LRMDA: variants seen among roughly 807,000 people sequenced by gnomAD.
The protein encoded by LRMDA is leucine rich melanocyte differentiation associated.
A neutral mutation model predicts 29.8 loss-of-function variants in LRMDA; 18 were observed. The ratio of observed to expected loss-of-function variants is 0.60; its 90% CI spans 0.42 to 0.90. The LOEUF (loss-of-function observed/expected upper bound fraction) is 0.90, where lower values mean the gene tolerates loss of function less well. LRMDA is among the 40% of genes least tolerant of loss of function. The pLI, the probability that LRMDA is intolerant of heterozygous loss-of-function variation, is 0.00. For missense variants in LRMDA, 273 were observed against 273.9 expected, an observed-to-expected ratio of 1.00 and a Z score of 0.02; for synonymous variants, 125 against 109.4, an observed-to-expected ratio of 1.14 and a Z score of -0.89.
chr10:76,100,402 C>G (rs1849377373), intron 5 of LRMDA, among the ~76,000 whole-genome samples: 1 of 152,214 alleles, frequency 6.6e-6, no homozygotes, highest in Non-Finnish European at 1.5e-5. Context: ...AGGCCATACA[C>G]AGGAACGGAA....
chr10:75,975,633 A>G (rs1177053541), intron 2 of LRMDA, among the ~76,000 whole-genome samples: 2 of 152,114 alleles, frequency 1.3e-5, no homozygotes, highest in African/African-American at 4.8e-5. Context: ...TTGGGCCTTG[A>G]ACTCTGAACG....
At chr10:75,579,654 T>C (rs1294197144) in intron 2 of LRMDA, among the ~76,000 whole-genome samples, 1 of 152,138 alleles carries the variant, frequency 6.6e-6, no homozygotes, top group Non-Finnish European at 1.5e-5. Context: ...CTGATGAACA[T>C]TGATGTGAAA....
intron 5 of LRMDA, among the ~76,000 whole-genome samples, chr10:76,174,674 G>A (rs1171805940): frequency 2.0e-5 from 3 of 152,210 alleles, no homozygotes; most frequent in Admixed American, 6.5e-5. Context: ...CACCCAGAGG[G>A]TAGCAACAAT....
chr10:75,715,119 T>C (rs1842484496), intron 2 of LRMDA, among the ~76,000 whole-genome samples: 1 of 152,158 alleles, frequency 6.6e-6, no homozygotes, highest in East Asian at 1.9e-4. Context: ...GATTCCTCAG[T>C]GGTGCTGAGA....
chr10:76,425,910 T>C (rs538813060), intron 6 of LRMDA, among the ~76,000 whole-genome samples: 1 of 152,322 alleles, frequency 6.6e-6, no homozygotes, highest in Admixed American at 6.5e-5. Context: ...GCTTCATCCA[T>C]GTCCCTACAA....
intron 1 of LRMDA, among the ~76,000 whole-genome samples, chr10:75,432,856 T>C (rs1158044800): frequency 3.9e-5 from 6 of 152,224 alleles, no homozygotes; most frequent in African/African-American, 1.2e-4. Flanking sequence ...CACATGTTTA[T>C]TGAGTGCCTA....
At chr10:75,463,713 G>T (rs1314336220) in intron 2 of LRMDA, among the ~76,000 whole-genome samples, 1 of 152,070 alleles carries the variant, frequency 6.6e-6, no homozygotes, top group South Asian at 2.1e-4. Flanking sequence ...TGTTGCCCAG[G>T]CTGGAGTGCA....
chr10:75,984,596 G>A (rs562397955), intron 2 of LRMDA, among the ~76,000 whole-genome samples: 3 of 152,350 alleles, frequency 2.0e-5, no homozygotes, highest in Admixed American at 2.0e-4. Context: ...CCGTGGCCCT[G>A]TGTGGGGGAC....
intron 5 of LRMDA, among the ~76,000 whole-genome samples, chr10:76,211,503 C>A (rs956389220): frequency 6.6e-6 from 1 of 152,226 alleles, no homozygotes; most frequent in African/African-American, 2.4e-5. Flanking sequence ...CACATAAAAT[C>A]CAATGAGCCT....
At chr10:75,816,441 A>G (rs1347392094) in intron 2 of LRMDA, among the ~76,000 whole-genome samples, 1 of 152,164 alleles carries the variant, frequency 6.6e-6, no homozygotes, top group African/African-American at 2.4e-5. Flanking sequence ...GAGTTCATCC[A>G]GCCTTTCCAA....
intron 2 of LRMDA, among the ~76,000 whole-genome samples, chr10:75,529,169 A>G (rs1276944208): frequency 6.6e-6 from 1 of 152,232 alleles, no homozygotes; most frequent in Non-Finnish European, 1.5e-5. Flanking sequence ...TACCATTAAA[A>G]TAGACTCACA....
At chr10:75,884,931 G>C (rs1453235135) in intron 2 of LRMDA, among the ~76,000 whole-genome samples, 1 of 152,096 alleles carries the variant, frequency 6.6e-6, no homozygotes, top group Non-Finnish European at 1.5e-5. Context: ...AGTTCAGGAG[G>C]CCTGGGGAGA....
intron 6 of LRMDA, among the ~76,000 whole-genome samples, chr10:76,424,608 A>G (rs1377260309): frequency 6.6e-6 from 1 of 152,226 alleles, no homozygotes; most frequent in Non-Finnish European, 1.5e-5. Flanking sequence ...CATCAAGTGT[A>G]TTTTGTTTGC....
intron 2 of LRMDA, among the ~76,000 whole-genome samples, chr10:75,750,175 A>T (rs1425132809): frequency 6.6e-6 from 1 of 152,126 alleles, no homozygotes; most frequent in Non-Finnish European, 1.5e-5. Flanking sequence ...GGCTGGGCAG[A>T]GGGGCTCCTC....
intron 2 of LRMDA, among the ~76,000 whole-genome samples, chr10:75,990,050 C>A (rs1183894681): frequency 6.6e-6 from 1 of 152,122 alleles, no homozygotes; most frequent in Non-Finnish European, 1.5e-5. Context: ...AAGAAGCTAT[C>A]CATTCTGCCG....
At chr10:76,432,219 G>A (rs1333599181) in intron 6 of LRMDA, among the ~76,000 whole-genome samples, 1 of 152,178 alleles carries the variant, frequency 6.6e-6, no homozygotes, top group Non-Finnish European at 1.5e-5. Context: ...TGTCGTGGGT[G>A]TGGGCCTGGG....
intron 5 of LRMDA, among the ~76,000 whole-genome samples, chr10:76,134,627 T>C (rs1418179264): frequency 2.0e-5 from 3 of 152,164 alleles, no homozygotes; most frequent in Admixed American, 2.0e-4. Flanking sequence ...TTATTGATTT[T>C]TTTTTCTTTG....
intron 6 of LRMDA, among the ~76,000 whole-genome samples, chr10:76,440,600 C>G (rs1425395377): frequency 3.9e-5 from 6 of 152,018 alleles, no homozygotes; most frequent in African/African-American, 1.5e-4. Flanking sequence ...TTTCAGATCC[C>G]TTTCACTCTA....
At chr10:75,509,661 A>G (rs1380836559) in intron 2 of LRMDA, among the ~76,000 whole-genome samples, 1 of 152,354 alleles carries the variant, frequency 6.6e-6, no homozygotes, top group East Asian at 1.9e-4. Context: ...TTTGAGGTCA[A>G]CTATCCTTTC....
Sources: gnomAD v4.1 joint callset for allele counts (sites outside exome capture counted in the v4.1 genomes callset) on GRCh38, gnomAD v4.1.1 for gene constraint, MANE v1.5 for transcripts, NCBI Gene and HGNC (gene_info 2026-07-23, HGNC 2026-07-21) for gene names.